The following MAP2K7 variants were observed in gnomAD, a reference collection of about 807,000 sequenced individuals.
MAP2K7 encodes mitogen-activated protein kinase kinase 7.
In MAP2K7, 12 loss-of-function variants were observed where a neutral mutation model predicts 47.7. That is an observed-to-expected ratio of 0.25 (90% CI 0.16 to 0.41). MAP2K7 has a LOEUF of 0.41. Ranked by LOEUF, MAP2K7 falls within the 10% of genes least tolerant of loss-of-function variation. MAP2K7 has a pLI of 1.00. For synonymous variants in MAP2K7, 299 were observed against 243.0 expected, an observed-to-expected ratio of 1.23 and a Z score of -2.14; for missense variants, 415 against 600.3, an observed-to-expected ratio of 0.69 and a Z score of 3.23.
At chr19:7,905,074 C>A (rs1221824475) in intron 1 of MAP2K7, among the ~76,000 whole-genome samples, 1 of 151,722 alleles carries the variant, frequency 6.6e-6, no homozygotes, top group African/African-American at 2.4e-5. Context: ...GCTTTTTCCC[C>A]AAGATCCTGG....
intron 1 of MAP2K7, chr19:7,904,463 GC>G: frequency 1.3e-5 from 5 of 374,418 alleles, no homozygotes; most frequent in Middle Eastern, 3.6e-4. Flanking sequence ...ACTGTCTGGC[GC>G]CCCCCTCCCC....
chr19:7,909,980 G>T (rs41285780), intron 2 of MAP2K7, 83 bp from the exon 3 acceptor site: 20 of 1,511,136 alleles, frequency 1.3e-5, no homozygotes, highest in Non-Finnish European at 1.7e-5. Flanking sequence ...TGGTTAAACC[G>T]GTGGGAACCC....
At chr19:7,905,600 G>A (rs1219064243) in intron 1 of MAP2K7, among the ~76,000 whole-genome samples, 3 of 152,088 alleles carry the variant, frequency 2.0e-5, no homozygotes, top group African/African-American at 7.2e-5. Flanking sequence ...GCAGGCCCCC[G>A]AGGAGTCCCC....
At position 7,912,645 on chromosome 19, in the gene MAP2K7, TC is replaced by T; in HGVS notation, c.*219del. ...CCCCGGGGTCAGCCGGCCGTGTGCG[TC>T]CCCCGACAGACACTGTGAACGGAAG... On this transcript the variant is annotated 3_prime_UTR_variant, in exon 11 of 11. Transcript: ENST00000397979. The T allele has an allele frequency of 5.1e-6, 3 of 590,424 alleles. No homozygotes were observed. Among genetic ancestry groups the T allele is most frequent in the Non-Finnish European group, 5.9e-6 (2 of 338,618 alleles). 36.6% of individuals were successfully genotyped at this position (590,424 alleles called of 1,614,324 possible).
chr19:7,904,189 C>A, intron 1 of MAP2K7, 121 bp downstream of exon 1: 1 of 825,716 alleles, frequency 1.2e-6, no homozygotes, highest in Non-Finnish European at 1.5e-6. Flanking sequence ...CCTCTCCGCC[C>A]CCCCCGCTGC....
In MAP2K7 at chr19:7,903,922, C is replaced by T. The variant is rs1478175824; in HGVS notation, c.-23C>T. The T allele has an allele frequency of 2.3e-5, 35 of 1,497,088 alleles. No homozygotes were observed. The highest frequency in any genetic ancestry group is 2.9e-5 in the Non-Finnish European group (32 of 1,120,708). The allele number at this position is 1,497,088 out of a possible 1,614,324, so 92.7% of individuals were successfully genotyped here. On this transcript the variant is annotated 5_prime_UTR_variant, in exon 1 of 11. Coordinates refer to ENST00000397979, the MANE Select transcript of MAP2K7 (RefSeq NM_145185.4). ...GACTGACGGGCGGCCGGGCGGTGCGCGGCGGCGGTGGCGGCGGGGAAGATG... is the reference window on the plus strand; with the variant it reads ...GACTGACGGGCGGCCGGGCGGTGCGTGGCGGCGGTGGCGGCGGGGAAGATG...
chr19:7,904,181 T>C, intron 1 of MAP2K7, 113 bp downstream of exon 1: 1 of 841,694 alleles, frequency 1.2e-6, no homozygotes, highest in South Asian at 5.6e-5. Context: ...CTCGCTCTCC[T>C]CTCCGCCCCC....
chr19:7,904,414 C>T (rs1982303629), intron 1 of MAP2K7: 1 of 350,448 alleles, frequency 2.9e-6, no homozygotes, highest in African/African-American at 2.2e-5. Context: ...ACAGACACGT[C>T]CCTGTTGACC....
At chr19:7,909,720 A>T in intron 1 of MAP2K7, 35 bp from the exon 2 acceptor site, 67 of 1,283,890 alleles carry the variant, frequency 5.2e-5, no homozygotes, top group Middle Eastern at 2.6e-4. Flanking sequence ...CTGGGCGCTG[A>T]CCCCCCTCCC....
intron 9 of MAP2K7, 41 bp downstream of exon 9, chr19:7,911,619 C>A: frequency 3.9e-6 from 6 of 1,534,480 alleles, no homozygotes; most frequent in Non-Finnish European, 5.3e-6. Flanking sequence ...GGACAGCCCG[C>A]TGCTCTGGGC....
At chr19:7,905,095 C>G (rs867522073) in intron 1 of MAP2K7, among the ~76,000 whole-genome samples, 9 of 152,070 alleles carry the variant, frequency 5.9e-5, no homozygotes, top group Non-Finnish European at 8.8e-5. Context: ...TCTCTAAATC[C>G]TCTGGGCTGG....
At chr19:7,908,062 G>A (rs977709861) in intron 1 of MAP2K7, among the ~76,000 whole-genome samples, 21 of 152,104 alleles carry the variant, frequency 1.4e-4, no homozygotes, top group Non-Finnish European at 2.8e-4. Flanking sequence ...CTACTCAGGA[G>A]GCTGAGGCAG....
intron 1 of MAP2K7, among the ~76,000 whole-genome samples, chr19:7,908,772 A>G (rs1599623897): frequency 1.3e-5 from 2 of 151,980 alleles, no homozygotes; most frequent in Non-Finnish European, 1.5e-5. Context: ...TTGCCAGCCC[A>G]GCCAGGGAGA....
intron 1 of MAP2K7, among the ~76,000 whole-genome samples, chr19:7,907,218 C>T (rs909861909): frequency 1.1e-4 from 16 of 151,470 alleles, no homozygotes; most frequent in African/African-American, 3.4e-4. Flanking sequence ...GGGCTCTGAG[C>T]GCAGCGCCAG....
rs1047388949 is a variant in MAP2K7, at chr19:7,913,203, T to C, written c.*772T>C. 2.6e-5 allele frequency: 4 copies of C among 152,374 alleles called. No homozygotes were observed. The highest frequency in any genetic ancestry group is 9.7e-5 in the African/African-American group (4 of 41,358). 9.4% of individuals were successfully genotyped at this position (152,374 alleles called of 1,614,324 possible). ...CAGAAACTTTTACCAAAGTCACGAT[T>C]AGCTGCTTGTGGTGGGGCCCCAACC... On this transcript the variant is annotated 3_prime_UTR_variant, in exon 11 of 11. Coordinates refer to ENST00000397979, the MANE Select transcript of MAP2K7 (RefSeq NM_145185.4).
rs139511301 is a variant in MAP2K7 at position 7,912,188 on chromosome 19, G to A, written c.1119G>A (p.Lys373=). ...ACAGGAAGAGACCAAAGTATAATAA[G>A]CTACTTGTGAGTACCTGAGCCCTCC... ...KDHRKRPKYN[K]LLEHSFIKRY... Residue 373 remains lysine, a synonymous_variant, in exon 10 of 11, where the codon AAG becomes AAA. Coordinates refer to ENST00000397979, the MANE Select transcript of MAP2K7 (RefSeq NM_145185.4). 5 of 1,614,026 alleles carry A rather than the reference G, an allele frequency of 3.1e-6. No individual in the cohort carries two copies. In the African/African-American group the frequency reaches 5.3e-5, roughly 17 times the overall value.
In MAP2K7 at chr19:7,913,272, G is replaced by C. The variant is rs1362538197; in HGVS notation, c.*841G>C. The C allele has an allele frequency of 6.6e-6, 1 of 152,648 alleles. No homozygotes were observed. The highest frequency in any genetic ancestry group is 2.4e-5 in the African/African-American group (1 of 41,406). 9.5% of individuals were successfully genotyped at this position (152,648 alleles called of 1,614,324 possible). A position where few individuals can be genotyped will look rare whatever the true frequency, so the allele number is the denominator to read the frequency against. ...GCTGGGCTGGGGCTGCTGCTCTGGG[G>C]TCTCCGGGGGCCACAGCTTGGGGTG... On this transcript the variant is annotated 3_prime_UTR_variant, in exon 11 of 11. Coordinates refer to ENST00000397979, the MANE Select transcript of MAP2K7 (RefSeq NM_145185.4).
At position 7,903,928 on chromosome 19, in the gene MAP2K7, C is replaced by A; in HGVS notation, c.-17C>A. On this transcript the variant is annotated 5_prime_UTR_variant, in exon 1 of 11. Transcript: ENST00000397979. ...CGGGCGGCCGGGCGGTGCGCGGCGGCGGTGGCGGCGGGGAAGATGGCGGCG... is the reference window on the plus strand; with the variant it reads ...CGGGCGGCCGGGCGGTGCGCGGCGGAGGTGGCGGCGGGGAAGATGGCGGCG... 1 of 1,504,258 alleles carries A rather than the reference C, an allele frequency of 6.6e-7. No individual in the cohort carries two copies. The highest frequency in any genetic ancestry group is 2.7e-5 in the East Asian group (1 of 36,724). The allele number at this position is 1,504,258 out of a possible 1,614,324, so 93.2% of individuals were successfully genotyped here.
intron 1 of MAP2K7, chr19:7,906,151 G>A (rs1982443436): frequency 1.1e-5 from 5 of 461,726 alleles, no homozygotes; most frequent in Admixed American, 3.5e-5. Context: ...TGGGGGGGGT[G>A]CACGCCTGTG....
Sources: allele counts gnomAD v4.1 joint callset (sites outside exome capture counted in the v4.1 genomes callset), GRCh38; gene constraint gnomAD v4.1.1; transcripts MANE v1.5; gene names NCBI Gene and HGNC (gene_info 2026-07-23, HGNC 2026-07-21).